Variants in CMSS1 observed in about 807,000 individuals in gnomAD.
CMSS1 encodes protein CMSS1.
Under a neutral mutation model 43.5 loss-of-function variants are expected in CMSS1, and 33 were observed. The ratio of observed to expected loss-of-function variants is 0.76; its 90% CI spans 0.57 to 1.01. The LOEUF (loss-of-function observed/expected upper bound fraction) is 1.01. Ranked by LOEUF, CMSS1 falls within the 50% of genes least tolerant of loss-of-function variation. The probability of loss-of-function intolerance (pLI) is 0.00; values close to 1 mark genes in which losing one functional copy is unlikely to be tolerated. For synonymous variants in CMSS1, 115 were observed against 117.2 expected (o/e 0.98, Z 0.12); for missense variants, 313 against 326.4 (o/e 0.96, Z 0.32).
At chr3:99,988,531 G>A (rs1232202904) in intron 1 of CMSS1, among the ~76,000 whole-genome samples, 105 of 121,808 alleles carry the variant, frequency 8.6e-4, no homozygotes, top group Middle Eastern at 4.1e-3. Context: ...AAAAAAAAAA[G>A]AAAGAAAAGG....
At chr3:99,956,703 A>G (rs1708330503) in intron 1 of CMSS1, among the ~76,000 whole-genome samples, 1 of 151,478 alleles carries the variant, frequency 6.6e-6, no homozygotes, top group Admixed American at 6.6e-5. Context: ...CCCATCAAAT[A>G]CCCCCTTCCC....
intron 1 of CMSS1, among the ~76,000 whole-genome samples, chr3:100,100,853 C>G (rs1028716241): frequency 1.3e-5 from 2 of 152,128 alleles, no homozygotes; most frequent in Non-Finnish European, 2.9e-5. Flanking sequence ...GAAGAGAATT[C>G]TTTCAGGCAG....
At chr3:99,928,221 C>T (rs1156462772) in intron 1 of CMSS1, among the ~76,000 whole-genome samples, 2 of 152,196 alleles carry the variant, frequency 1.3e-5, no homozygotes, top group Non-Finnish European at 2.9e-5. Flanking sequence ...GCAGAATTCC[C>T]CTTCACTGTT....
chr3:99,872,159 G>A (rs1380197191), intron 1 of CMSS1, among the ~76,000 whole-genome samples: 2 of 152,008 alleles, frequency 1.3e-5, no homozygotes, highest in African/African-American at 4.8e-5. Flanking sequence ...GTGTCTCTGG[G>A]GCAAGTCACA....
chr3:100,135,437 CAT>C (rs1491104848), intron 1 of CMSS1, among the ~76,000 whole-genome samples: 251 of 60,182 alleles, frequency 4.2e-3, no homozygotes, highest in African/African-American at 0.011. Flanking sequence ...TGTGTGTGTG[CAT>C]GTGTGTGTGT....
At chr3:100,023,545 A>G (rs1008353140) in intron 1 of CMSS1, 1 of 152,592 alleles carries the variant, frequency 6.6e-6, no homozygotes, top group African/African-American at 2.4e-5. Context: ...AGACTAAAAC[A>G]GTTTCTTGGG....
At chr3:99,922,526 G>A (rs1203323357) in intron 1 of CMSS1, among the ~76,000 whole-genome samples, 1 of 152,132 alleles carries the variant, frequency 6.6e-6, no homozygotes, top group Admixed American at 6.5e-5. Context: ...CCGAAAAAAT[G>A]CCTACCATAA....
chr3:100,067,388 G>A (rs1190459710), intron 1 of CMSS1, among the ~76,000 whole-genome samples: 3 of 152,134 alleles, frequency 2.0e-5, no homozygotes, highest in Non-Finnish European at 4.4e-5. Flanking sequence ...CCCTGGTGAA[G>A]GTTGTATATA....
chr3:99,872,319 G>A (rs995796457), intron 1 of CMSS1, among the ~76,000 whole-genome samples: 2 of 148,912 alleles, frequency 1.3e-5, no homozygotes, highest in African/African-American at 5.0e-5. Flanking sequence ...GTGTGTGTGT[G>A]TGTGACTGTG....
At chr3:99,957,292 T>G (rs902648477) in intron 1 of CMSS1, among the ~76,000 whole-genome samples, 4 of 152,082 alleles carry the variant, frequency 2.6e-5, no homozygotes, top group African/African-American at 9.6e-5. Flanking sequence ...CAGCTATTCT[T>G]AAGAATTCTG....
At chr3:100,060,977 G>A (rs375109224) in intron 1 of CMSS1, among the ~76,000 whole-genome samples, 3 of 152,198 alleles carry the variant, frequency 2.0e-5, no homozygotes, top group South Asian at 4.2e-4. Context: ...CTCATTAACC[G>A]CACGAGGTGA....
At chr3:99,861,197 C>CA (rs1337087767) in intron 1 of CMSS1, among the ~76,000 whole-genome samples, 1 of 151,802 alleles carries the variant, frequency 6.6e-6, no homozygotes, top group Non-Finnish European at 1.5e-5. Context: ...CCCGCCCTCC[C>CA]AAAAAAAATT....
chr3:100,144,139 C>T (rs1159868465), intron 1 of CMSS1, among the ~76,000 whole-genome samples: 1 of 152,072 alleles, frequency 6.6e-6, no homozygotes, highest in Non-Finnish European at 1.5e-5. Context: ...TTTTCCATCT[C>T]TGTGCGGGGG....
intron 1 of CMSS1, among the ~76,000 whole-genome samples, chr3:100,014,627 T>TTGGA (rs1273235619): frequency 6.6e-6 from 1 of 152,070 alleles, no homozygotes; most frequent in African/African-American, 2.4e-5. Flanking sequence ...TGTTGGCCAT[T>TTGGA]TGGATGTCTT....
intron 1 of CMSS1, 93 bp from the exon 2 acceptor site, chr3:100,146,875 AAAGTG>A: frequency 7.0e-7 from 1 of 1,425,504 alleles, no homozygotes; most frequent in Non-Finnish European, 9.3e-7. Context: ...GTAGAATTAA[AAAGTG>A]AAGAGATAGA....
intron 1 of CMSS1, among the ~76,000 whole-genome samples, chr3:100,108,664 C>T (rs994573392): frequency 4.6e-5 from 7 of 152,064 alleles, no homozygotes; most frequent in East Asian, 3.9e-4. Flanking sequence ...GTTACAATTC[C>T]GAGATCAACA....
At chr3:99,962,163 G>A (rs1576603634) in intron 1 of CMSS1, among the ~76,000 whole-genome samples, 2 of 152,162 alleles carry the variant, frequency 1.3e-5, no homozygotes, top group Admixed American at 1.3e-4. Flanking sequence ...CTGAAGGTGA[G>A]GGGATGCGTG....
intron 1 of CMSS1, among the ~76,000 whole-genome samples, chr3:100,077,715 GC>G (rs1173348690): frequency 3.3e-5 from 5 of 152,108 alleles, no homozygotes; most frequent in African/African-American, 1.2e-4. Flanking sequence ...TTCAAGACCA[GC>G]CTGGGCAACA....
rs2067166165 is a variant in CMSS1 at position 100,178,481 on chromosome 3, CA to C, written c.*96del. On this transcript the variant is annotated 3_prime_UTR_variant, in exon 10 of 10. Transcript: ENST00000421999. ...ATTGCAAGCACTCAGTAAATATCAGCAAATAGTTTATGTTAATTGTGTCAAC... is the reference window on the plus strand; with the variant it reads ...ATTGCAAGCACTCAGTAAATATCAGCAATAGTTTATGTTAATTGTGTCAAC... 1 of 731,014 alleles carries C rather than the reference CA, an allele frequency of 1.4e-6. No individual in the cohort carries two copies. Among genetic ancestry groups the C allele is most frequent in the African/African-American group, 1.8e-5 (1 of 56,454 alleles). 45.3% of individuals were successfully genotyped at this position (731,014 alleles called of 1,614,324 possible).
Sources: gnomAD v4.1 joint callset for allele counts (sites outside exome capture counted in the v4.1 genomes callset) on GRCh38, gnomAD v4.1.1 for gene constraint, MANE v1.5 for transcripts, NCBI Gene and HGNC (gene_info 2026-07-23, HGNC 2026-07-21) for gene names.